Variants in TEK observed in about 807,000 individuals in gnomAD.
The protein encoded by TEK is TEK receptor tyrosine kinase, also known as angiopoietin-1 receptor.
A neutral mutation model predicts 131.8 loss-of-function variants in TEK; 43 were observed. That is an observed-to-expected ratio of 0.33 (90% confidence interval 0.26 to 0.42). TEK has a LOEUF of 0.42. Ranked by LOEUF, TEK falls within the 10% of genes least tolerant of loss-of-function variation. The pLI is 1.00. For missense variants in TEK, 1,162 were observed against 1,384.4 expected (o/e 0.84, Z 2.55); for synonymous variants, 580 against 491.6 (o/e 1.18, Z -2.38).
intron 1 of TEK, among the ~76,000 whole-genome samples, chr9:27,136,939 T>C (rs1489492479): frequency 6.6e-6 from 1 of 152,170 alleles, no homozygotes; most frequent in African/African-American, 2.4e-5. Flanking sequence ...ATTTTTGAAA[T>C]GGAGTCTCGC....
chr9:27,159,360 A>C (rs1387706029), intron 2 of TEK, among the ~76,000 whole-genome samples: 1 of 152,142 alleles, frequency 6.6e-6, no homozygotes, highest in African/African-American at 2.4e-5. Flanking sequence ...GCTTCATTTT[A>C]TCAACCTAAG....
intron 9 of TEK, among the ~76,000 whole-genome samples, chr9:27,188,312 C>G (rs1824674818): frequency 2.6e-5 from 4 of 152,232 alleles, no homozygotes; most frequent in Admixed American, 6.5e-5. Context: ...GTCCCTTGAG[C>G]TAAATACACT....
At chr9:27,213,724 T>G in intron 18 of TEK, 127 bp downstream of exon 18, 3 of 731,288 alleles carry the variant, frequency 4.1e-6, no homozygotes, top group Non-Finnish European at 7.4e-6. Flanking sequence ...CAGTAGATAC[T>G]GTGTGCCCTG....
intron 1 of TEK, among the ~76,000 whole-genome samples, chr9:27,140,332 C>T (rs944148753): frequency 2.0e-5 from 3 of 150,786 alleles, no homozygotes; most frequent in Non-Finnish European, 4.4e-5. Context: ...TCCTGAACAC[C>T]ACTTTATCTG....
intron 7 of TEK, among the ~76,000 whole-genome samples, chr9:27,182,680 C>T (rs1824431928): frequency 6.6e-6 from 1 of 152,184 alleles, no homozygotes; most frequent in Non-Finnish European, 1.5e-5. Context: ...CATTCAATTA[C>T]AAATAGTCCA....
At chr9:27,227,107 A>G (rs1229921414) in intron 21 of TEK, among the ~76,000 whole-genome samples, 1 of 152,300 alleles carries the variant, frequency 6.6e-6, no homozygotes, top group East Asian at 1.9e-4. Context: ...GTTAAAGTGT[A>G]AGCTGTTCTG....
chr9:27,159,083 T>G (rs1321500229), intron 2 of TEK, among the ~76,000 whole-genome samples: 1 of 152,228 alleles, frequency 6.6e-6, no homozygotes, highest in Non-Finnish European at 1.5e-5. Context: ...ATGGATGTAT[T>G]GACCTTGGTT....
chr9:27,116,372 T>C (rs1368094797), intron 1 of TEK, among the ~76,000 whole-genome samples: 2 of 152,126 alleles, frequency 1.3e-5, no homozygotes, highest in Admixed American at 6.5e-5. Flanking sequence ...CGCTGCAAGC[T>C]CCACCTCCCC....
chr9:27,165,904 A>G (rs1823713116), intron 2 of TEK, among the ~76,000 whole-genome samples: 2 of 152,270 alleles, frequency 1.3e-5, no homozygotes, highest in Admixed American at 1.3e-4. Flanking sequence ...CCCACAGCCG[A>G]TGAAAGCAAG....
At chr9:27,172,549 G>A in intron 4 of TEK, 67 bp from the exon 5 acceptor site, 2 of 1,598,578 alleles carry the variant, frequency 1.3e-6, no homozygotes, top group Non-Finnish European at 1.7e-6. Flanking sequence ...CACACAGTAG[G>A]TGCTCAATAA....
chr9:27,221,989 T>C (rs1004757489), intron 21 of TEK, among the ~76,000 whole-genome samples: 1 of 152,020 alleles, frequency 6.6e-6, no homozygotes, highest in African/African-American at 2.4e-5. Flanking sequence ...GCTAAGAACG[T>C]TGAAAAAAGG....
At chr9:27,174,984 T>G (rs960943036) in intron 6 of TEK, among the ~76,000 whole-genome samples, 2 of 147,536 alleles carry the variant, frequency 1.4e-5, no homozygotes, top group African/African-American at 2.6e-5. Flanking sequence ...TAATTCTTTT[T>G]ATTATTATTA....
intron 1 of TEK, among the ~76,000 whole-genome samples, chr9:27,112,494 C>A (rs1457428447): frequency 2.0e-5 from 3 of 152,148 alleles, no homozygotes; most frequent in African/African-American, 4.8e-5. Context: ...CCCTTTCAGC[C>A]CTGCCCTGGG....
At chr9:27,150,672 A>G (rs1448479910) in intron 1 of TEK, among the ~76,000 whole-genome samples, 1 of 152,116 alleles carries the variant, frequency 6.6e-6, no homozygotes, top group African/African-American at 2.4e-5. Context: ...GGTGTAAACA[A>G]TCCTTGATTT....
At chr9:27,112,702 A>G (rs763546532) in intron 1 of TEK, among the ~76,000 whole-genome samples, 2 of 152,198 alleles carry the variant, frequency 1.3e-5, no homozygotes, top group Non-Finnish European at 2.9e-5. Flanking sequence ...TCACCTGCTT[A>G]TTCTCTGTAG....
At chr9:27,219,955 T>C in intron 20 of TEK, 94 bp from the exon 21 acceptor site, 1 of 1,296,864 alleles carries the variant, frequency 7.7e-7, no homozygotes, top group Non-Finnish European at 1.1e-6. Context: ...CCATACCATG[T>C]CTTCCTCCTG....
At chr9:27,141,445 T>C (rs1822720320) in intron 1 of TEK, among the ~76,000 whole-genome samples, 1 of 152,222 alleles carries the variant, frequency 6.6e-6, no homozygotes, top group Non-Finnish European at 1.5e-5. Context: ...ACTGTAACTT[T>C]CTCTCATCCT....
intron 11 of TEK, chr9:27,195,728 G>A (rs1285014105): frequency 2.2e-6 from 1 of 455,752 alleles, no homozygotes; most frequent in South Asian, 1.6e-5. Context: ...TGTTAATAGA[G>A]CCCCTAACAC....
intron 18 of TEK, among the ~76,000 whole-genome samples, chr9:27,214,073 G>C (rs1825728941): frequency 1.3e-5 from 2 of 152,192 alleles, no homozygotes; most frequent in African/African-American, 4.8e-5. Flanking sequence ...TCTCTTCACT[G>C]AAACCTCAAT....
Sources: gnomAD v4.1 joint callset for allele counts (sites outside exome capture counted in the v4.1 genomes callset) on GRCh38, gnomAD v4.1.1 for gene constraint, MANE v1.5 for transcripts, NCBI Gene and HGNC (gene_info 2026-07-23, HGNC 2026-07-21) for gene names.